Variants in LMBR1 observed in about 807,000 individuals in gnomAD.
The protein encoded by LMBR1 is limb region 1 protein homolog.
Under a neutral mutation model 73.9 loss-of-function variants are expected in LMBR1, and 52 were observed. That is an observed-to-expected ratio of 0.70 (90% confidence interval 0.56 to 0.89). The LOEUF (loss-of-function observed/expected upper bound fraction) is 0.89. Ranked by LOEUF, LMBR1 falls within the 40% of genes least tolerant of loss-of-function variation. The pLI, the probability that LMBR1 is intolerant of heterozygous loss-of-function variation, is 0.00. For synonymous variants in LMBR1, 215 were observed against 209.4 expected (o/e 1.03, Z -0.23); for missense variants, 539 against 579.8 (o/e 0.93, Z 0.72).
At chr7:156,794,798 G>A (rs146252366) in intron 5 of LMBR1, among the ~76,000 whole-genome samples, 1 of 152,246 alleles carries the variant, frequency 6.6e-6, no homozygotes, top group African/African-American at 2.4e-5. Context: ...ACAGAGTCAG[G>A]TGCAGGACTG....
intron 1 of LMBR1, among the ~76,000 whole-genome samples, chr7:156,847,008 G>A (rs1203783433): frequency 1.3e-5 from 2 of 152,052 alleles, no homozygotes; most frequent in Non-Finnish European, 2.9e-5. Context: ...AAAGAGGACT[G>A]ACACTACCCA....
chr7:156,743,968 G>A (rs555613243), intron 9 of LMBR1, among the ~76,000 whole-genome samples: 2 of 152,144 alleles, frequency 1.3e-5, no homozygotes, highest in Non-Finnish European at 2.9e-5. Context: ...TTTCAATATG[G>A]AAGTTAGAAT....
chr7:156,683,006 T>C lies in LMBR1; in HGVS notation c.*1072A>G, dbSNP rs1388329058. On this transcript the variant is annotated 3_prime_UTR_variant, in exon 17 of 17. Transcript: ENST00000353442. ...ACCATCCCAATAATTATTTACAATT[T>C]AATAACTGAATGATTATCAGATCGT... The C allele has an allele frequency of 6.6e-6, 1 of 152,248 alleles. No individual in the cohort carries two copies. The highest frequency in any genetic ancestry group is 1.5e-5 in the Non-Finnish European group (1 of 68,046). The allele number at this position is 152,248 out of a possible 1,614,324, so 9.4% of individuals were successfully genotyped here.
At chr7:156,888,660 G>C (rs966568396) in intron 1 of LMBR1, among the ~76,000 whole-genome samples, 5 of 152,198 alleles carry the variant, frequency 3.3e-5, no homozygotes, top group Admixed American at 2.0e-4. Context: ...GCTCCCGCCT[G>C]TAATCCCAGC....
intron 15 of LMBR1, among the ~76,000 whole-genome samples, chr7:156,694,059 C>G (rs955226837): frequency 3.3e-5 from 5 of 152,178 alleles, no homozygotes; most frequent in Non-Finnish European, 7.3e-5. Flanking sequence ...ACATGATTAG[C>G]TCAGTAGATG....
At chr7:156,835,383 G>A (rs1441006493) in intron 2 of LMBR1, among the ~76,000 whole-genome samples, 1 of 151,922 alleles carries the variant, frequency 6.6e-6, no homozygotes, top group Non-Finnish European at 1.5e-5. Context: ...ATATACTGTT[G>A]TGCTCACATC....
In LMBR1 at chr7:156,687,474, G is replaced by A. The variant is rs978516181; in HGVS notation, c.1387+556C>T. ...TTGTACCCTTTAGCTAAACCTACCC[G>A]TTTTTAACACCATTACAATACATGT... is the stretch of plus-strand genomic sequence containing the variant. On this transcript the variant is annotated intron_variant, in intron 16 of 16. Coordinates refer to ENST00000353442, the MANE Select transcript of LMBR1 (RefSeq NM_022458.4). 2.0e-5 allele frequency among the ~76,000 whole-genome samples: 3 copies of A among 152,132 alleles called. 1 individual carries two copies. Among genetic ancestry groups the A allele is most frequent in the Admixed American group, 1.3e-4 (2 of 15,266 alleles).
chr7:156,847,171 T>A (rs940998703), intron 1 of LMBR1, among the ~76,000 whole-genome samples: 3 of 152,148 alleles, frequency 2.0e-5, no homozygotes, highest in Admixed American at 1.3e-4. Flanking sequence ...GAGCAAAGGC[T>A]ATATAATGAA....
At position 156,680,467 on chromosome 7, in the gene LMBR1, TGTAAGTA is replaced by T. The variant is rs1804853779; in HGVS notation, c.*3604_*3610del. ...CTGTGGTCAAAAAGTTGAAAGCCAC[TGTAAGTA>T]GGCTTCTGTCTGCCAGTAAATTAAC... is the stretch of plus-strand genomic sequence containing the variant. On this transcript the variant is annotated 3_prime_UTR_variant, in exon 17 of 17. Coordinates refer to ENST00000353442, the MANE Select transcript of LMBR1 (RefSeq NM_022458.4). The T allele has an allele frequency of 6.6e-6, 1 of 151,960 alleles. No individual in the cohort carries two copies. Among genetic ancestry groups the T allele is most frequent in the Non-Finnish European group, 1.5e-5 (1 of 68,064 alleles). The allele number at this position is 151,960 out of a possible 1,614,324, so 9.4% of individuals were successfully genotyped here.
chr7:156,675,626 C>A (rs2131753395), downstream of LMBR1: 8 of 1,356,732 alleles, frequency 5.9e-6, no homozygotes, highest in Middle Eastern at 1.9e-4. Context: ...GATGGTCAGG[C>A]TCGAGAGCGC....
rs1835257701 is a variant in LMBR1, at chr7:156,824,131, T to TA, written c.319+2473dup. Among the ~76,000 whole-genome samples the TA allele has an allele frequency of 5.3e-5, 8 of 149,802 alleles. No individual in the cohort carries two copies. In the South Asian group the frequency reaches 1.7e-3, roughly 32 times the overall value. On this transcript the variant is annotated intron_variant, in intron 4 of 16. Coordinates refer to ENST00000353442, the MANE Select transcript of LMBR1 (RefSeq NM_022458.4). ...AACAACAACAACAACAACAACAATA[T>TA]ATATATACACACGCGCGCGCGCTGA... is the stretch of plus-strand genomic sequence containing the variant.
intron 15 of LMBR1, among the ~76,000 whole-genome samples, chr7:156,692,070 C>T (rs1258547776): frequency 6.6e-6 from 1 of 152,106 alleles, no homozygotes; most frequent in Non-Finnish European, 1.5e-5. Context: ...GCTGTTGAAG[C>T]AAACGCTTTA....
intron 15 of LMBR1, among the ~76,000 whole-genome samples, chr7:156,723,666 T>A (rs559300532): frequency 6.6e-6 from 1 of 152,246 alleles, no homozygotes; most frequent in African/African-American, 2.4e-5. Flanking sequence ...GAGTGTGTTC[T>A]CAGAGATTAC....
rs756687121 is a variant in LMBR1 at position 156,833,803 on chromosome 7, G to T, written c.140-11C>A. On this transcript the variant is annotated splice_polypyrimidine_tract_variant and intron_variant, in intron 2 of 16. Transcript: ENST00000353442. ...CATCTTCTTGTTCATCTGCAAAAAT[G>T]TTTAAGGTATTAATATTCCTTTATC... 6.4e-7 allele frequency: 1 copy of T among 1,566,448 alleles called. No homozygotes were observed. Among genetic ancestry groups the T allele is most frequent in the Admixed American group, 1.8e-5 (1 of 55,456 alleles).
intron 3 of LMBR1, among the ~76,000 whole-genome samples, chr7:156,832,082 C>T (rs17837698): frequency 0.11 from 16,101 of 152,170 alleles, 1,146 homozygotes; most frequent in East Asian, 0.29. Flanking sequence ...AACTAAAACC[C>T]GTAATTCTGT....
chr7:156,751,290 C>T (rs2132722398), intron 9 of LMBR1, among the ~76,000 whole-genome samples: 1 of 152,206 alleles, frequency 6.6e-6, no homozygotes, highest in South Asian at 2.1e-4. Flanking sequence ...CCACAAGGCT[C>T]ACTCCAGAGT....
At chr7:156,864,995 C>CA (rs1183278800) in intron 1 of LMBR1, among the ~76,000 whole-genome samples, 24,326 of 94,874 alleles carry the variant, frequency 0.26, 2,347 homozygotes, top group African/African-American at 0.28. Flanking sequence ...GACTCTGTCT[C>CA]AAAAAAAAAA....
intron 15 of LMBR1, among the ~76,000 whole-genome samples, chr7:156,705,318 G>A (rs1279737486): frequency 6.6e-6 from 1 of 152,222 alleles, no homozygotes; most frequent in African/African-American, 2.4e-5. Flanking sequence ...AGCACTTTGG[G>A]ACGTCAAGGT....
At chr7:156,777,807 A>G (rs999476072) in intron 5 of LMBR1, among the ~76,000 whole-genome samples, 3 of 152,160 alleles carry the variant, frequency 2.0e-5, no homozygotes, top group Non-Finnish European at 4.4e-5. Flanking sequence ...TCCTCCTTCA[A>G]TATCACATAC....
Sources: gnomAD v4.1 joint callset for allele counts (sites outside exome capture counted in the v4.1 genomes callset) on GRCh38, gnomAD v4.1.1 for gene constraint, MANE v1.5 for transcripts, NCBI Gene and HGNC (gene_info 2026-07-23, HGNC 2026-07-21) for gene names.